The following KMT2C variants were observed in gnomAD, a reference collection of about 807,000 sequenced individuals.
The protein encoded by KMT2C is histone-lysine N-methyltransferase 2C.
In KMT2C, 88 loss-of-function variants were observed where a neutral mutation model predicts 507.9. The ratio of observed to expected loss-of-function variants is 0.17; its 90% CI spans 0.15 to 0.21. The LOEUF is 0.21. Among genes scored for constraint, KMT2C ranks in the 10% least tolerant of loss-of-function variants. KMT2C has a pLI of 1.00. For missense variants in KMT2C, 4,954 were observed against 5,957.8 expected (o/e 0.83, Z 5.55); for synonymous variants, 2,049 against 2,080.8 (o/e 0.98, Z 0.42).
chr7:152,168,468 G>C (rs574883648), intron 41 of KMT2C, among the ~76,000 whole-genome samples: 3 of 152,148 alleles, frequency 2.0e-5, no homozygotes, highest in Non-Finnish European at 4.4e-5. Flanking sequence ...GTACATGTAT[G>C]AACTTGAAAT....
intron 2 of KMT2C, among the ~76,000 whole-genome samples, chr7:152,345,404 T>G (rs2097048531): frequency 6.6e-6 from 1 of 152,164 alleles, no homozygotes; most frequent in East Asian, 1.9e-4. Flanking sequence ...ATGGCACCAC[T>G]GCACTCCAAC....
chr7:152,375,638 A>T lies in KMT2C; in HGVS notation c.162-16963T>A, dbSNP rs927085771. Among the ~76,000 whole-genome samples, 5 of 151,888 alleles carry T rather than the reference A, an allele frequency of 3.3e-5. 1 individual carries two copies. Among genetic ancestry groups the T allele is most frequent in the African/African-American group, 1.2e-4 (5 of 41,414 alleles). On this transcript the variant is annotated intron_variant, in intron 1 of 58. Transcript: ENST00000262189. ...TGACCTCAGGTGATCCACCCGCCTC[A>T]GCCTCCCAAGTGCTGGGATTACAGG... is the stretch of plus-strand genomic sequence containing the variant.
chr7:152,396,257 G>A (rs545137357), intron 1 of KMT2C, among the ~76,000 whole-genome samples: 37 of 152,078 alleles, frequency 2.4e-4, no homozygotes, highest in African/African-American at 7.5e-4. Flanking sequence ...AAGTAACAGC[G>A]CCAAACTTCC....
At chr7:152,290,258 G>GTGTGTGTGTATATATATATATA (rs1337492088) in intron 6 of KMT2C, among the ~76,000 whole-genome samples, 2 of 26,264 alleles carry the variant, frequency 7.6e-5, no homozygotes, top group African/African-American at 2.8e-4. Flanking sequence ...GTGTGTATGT[G>GTGTGTGTGTATATATATATATA]TATATATATA....
rs559977715 is a variant in KMT2C at position 152,330,792 on chromosome 7, A to T, written c.251-53T>A. 12 of 1,513,480 alleles carry T rather than the reference A, an allele frequency of 7.9e-6. No individual in the cohort carries two copies. In the African/African-American group the frequency reaches 1.5e-4, roughly 19 times the overall value. 93.8% of individuals were successfully genotyped at this position (1,513,480 alleles called of 1,614,324 possible). A position where few individuals can be genotyped will look rare whatever the true frequency, so the allele number is the denominator to read the frequency against. On this transcript the variant is annotated intron_variant, in intron 2 of 58. Coordinates refer to ENST00000262189, the MANE Select transcript of KMT2C (RefSeq NM_170606.3). ...AAGAGTCATTTTTGTGTTTATTTTAATCACTGGTGAATGTATCTATAAAGC... is the reference window on the plus strand; with the variant it reads ...AAGAGTCATTTTTGTGTTTATTTTATTCACTGGTGAATGTATCTATAAAGC...
Position 152,224,610 on chromosome 7 carries a change from T to G in KMT2C, c.2983A>C (p.Lys995Gln). ...CTCCAACCTTTGCTAAGAACCACTT[T>G]AGTGATCTGTAAAAGAAACAACCAA... ...HPYCVSIKITKVVLSKGWRCL... is the reference protein window; with the variant it reads ...HPYCVSIKITQVVLSKGWRCL... Residue 995 changes from lysine (K) to glutamine (Q), a missense_variant, in exon 19 of 59, where the codon AAA becomes CAA. This residue lies in a region of KMT2C where 4 missense variants were observed against 69.2 expected (regional missense o/e 0.06). Transcript: ENST00000262189. The G allele has an allele frequency of 6.6e-7, 1 of 1,525,156 alleles. No individual in the cohort carries two copies. The highest frequency in any genetic ancestry group is 2.3e-4 in the Middle Eastern group (1 of 4,260). 94.5% of individuals were successfully genotyped at this position (1,525,156 alleles called of 1,614,324 possible). A position where few individuals can be genotyped will look rare whatever the true frequency, so the allele number is the denominator to read the frequency against.
At chr7:152,417,621 T>C (rs897755236) in intron 1 of KMT2C, among the ~76,000 whole-genome samples, 3 of 152,142 alleles carry the variant, frequency 2.0e-5, no homozygotes, top group Non-Finnish European at 4.4e-5. Flanking sequence ...TGAATATCTA[T>C]GAAGAATCAA....
intron 1 of KMT2C, among the ~76,000 whole-genome samples, chr7:152,433,858 AGTGTGC>A (rs2116808678): frequency 6.6e-6 from 1 of 152,332 alleles, no homozygotes; most frequent in African/African-American, 2.4e-5. Context: ...CGTGCGTGTG[AGTGTGC>A]GCGTGTGCGC....
intron 2 of KMT2C, among the ~76,000 whole-genome samples, chr7:152,352,572 C>T (rs2097122456): frequency 6.6e-6 from 1 of 152,184 alleles, no homozygotes; most frequent in South Asian, 2.1e-4. Context: ...TAAAATTTCT[C>T]TCCTTTGTAC....
At chr7:152,224,354 G>A (rs4024363) in intron 19 of KMT2C, 81 bp downstream of exon 19, 8 of 1,412,400 alleles carry the variant, frequency 5.7e-6, no homozygotes, top group South Asian at 1.3e-5. Context: ...TTAAATAGGT[G>A]TGGCTAATTT....
intron 1 of KMT2C, among the ~76,000 whole-genome samples, chr7:152,421,058 AC>A (rs1457146092): frequency 1.3e-5 from 2 of 152,048 alleles, no homozygotes; most frequent in African/African-American, 4.8e-5. Flanking sequence ...CAAGCAAAAA[AC>A]AACCCCATTT....
At chr7:152,290,067 CA>C (rs958109730) in intron 6 of KMT2C, among the ~76,000 whole-genome samples, 68 of 150,602 alleles carry the variant, frequency 4.5e-4, no homozygotes, top group African/African-American at 1.6e-3. Flanking sequence ...AACAAACAAA[CA>C]AACAAACAAA....
chr7:152,177,500 A>G lies in KMT2C; in HGVS notation c.7953T>C (p.His2651=), dbSNP rs141533051. ...CTTCTGAAAATTCACCACCTAGTGG[A>G]TGGTTCAGAGTCCTCATGACCATAG... ...SSSMVMRTLN[H]PLGGEFSEAP... Residue 2651 remains histidine (H), a synonymous_variant, in exon 38 of 59, where the codon CAT becomes CAC. Coordinates refer to ENST00000262189, the MANE Select transcript of KMT2C (RefSeq NM_170606.3). The G allele has an allele frequency of 1.2e-6, 2 of 1,614,080 alleles. No homozygotes were observed. The highest frequency in any genetic ancestry group is 2.7e-5 in the African/African-American group (2 of 74,936).
In KMT2C at chr7:152,315,183, T is replaced by G; in HGVS notation, c.545A>C (p.Glu182Ala). ...TCGTGGTGCTGAGTTTTGCATTTTC[T>G]CATAGGTTCCATTGCTGTTGTCATC... ...DIDDNSNGTY[E>A]KMQNSAPRKQ... The change falls in exon 4 of 59, where the codon GAG becomes GCG. Residue 182 changes from glutamate (E) to alanine (A), a missense_variant. Around this residue, in one of 29 missense-constraint regions of KMT2C, gnomAD observed 233 missense variants for 263.6 expected, o/e 0.88. Coordinates refer to ENST00000262189, the MANE Select transcript of KMT2C (RefSeq NM_170606.3). 1.2e-6 allele frequency: 2 copies of G among 1,614,122 alleles called. No homozygotes were observed. The highest frequency in any genetic ancestry group is 1.7e-6 in the Non-Finnish European group (2 of 1,179,988).
intron 23 of KMT2C, 150 bp downstream of exon 23, chr7:152,220,373 A>G (rs1273869778): frequency 1.7e-5 from 11 of 655,146 alleles, no homozygotes; most frequent in Non-Finnish European, 2.9e-5. Context: ...TAAGAAGATC[A>G]CTCATTTGGA....
At chr7:152,147,169 TA>T (rs1257774736) in intron 52 of KMT2C, among the ~76,000 whole-genome samples, 1 of 152,096 alleles carries the variant, frequency 6.6e-6, no homozygotes, top group East Asian at 1.9e-4. Flanking sequence ...TTTTTTTTTT[TA>T]AGTGCTAAAC....
At position 152,384,318 on chromosome 7, in the gene KMT2C, C is replaced by T. The variant is rs1186855480; in HGVS notation, c.162-25643G>A. On this transcript the variant is annotated intron_variant, in intron 1 of 58. Transcript: ENST00000262189. ...CTACCTCTAAAGCCTCATCTCTTGA[C>T]TCTCTCGCACCAAGCTCACTGAGCT... Among the ~76,000 whole-genome samples the T allele has an allele frequency of 2.6e-5, 4 of 152,208 alleles. No individual in the cohort carries two copies. The East Asian group carries it at 5.8e-4, about 22-fold the overall frequency.
intron 20 of KMT2C, among the ~76,000 whole-genome samples, chr7:152,223,573 A>G (rs1217423118): frequency 6.6e-6 from 1 of 152,050 alleles, no homozygotes; most frequent in Non-Finnish European, 1.5e-5. Flanking sequence ...GCGGGCGGTC[A>G]AAAGATGGTC....
chr7:152,333,124 C>G (rs1460552978), intron 2 of KMT2C, among the ~76,000 whole-genome samples: 1 of 152,008 alleles, frequency 6.6e-6, no homozygotes, highest in East Asian at 1.9e-4. Context: ...CTCTATACAT[C>G]CTTTATATAC....
Sources: allele counts gnomAD v4.1 joint callset (sites outside exome capture counted in the v4.1 genomes callset), GRCh38; gene constraint gnomAD v4.1.1; regional missense constraint gnomAD v4.1.1; transcripts MANE v1.5; gene names NCBI Gene and HGNC (gene_info 2026-07-23, HGNC 2026-07-21).